The following PCM1 variants were observed in gnomAD, a reference collection of about 807,000 sequenced individuals.
PCM1 encodes the protein pericentriolar material 1 protein.
A neutral mutation model predicts 241.9 loss-of-function variants in PCM1; 157 were observed. That is an observed-to-expected ratio of 0.65 (90% CI 0.57 to 0.74). The LOEUF (loss-of-function observed/expected upper bound fraction) is 0.74, where lower values mean the gene tolerates loss of function less well. PCM1 is among the 30% of genes least tolerant of loss of function. PCM1 has a pLI of 0.00. For missense variants in PCM1, 3,478 were observed against 2,360.1 expected, an observed-to-expected ratio of 1.47 and a Z score of -9.81; for synonymous variants, 1,085 against 784.9, an observed-to-expected ratio of 1.38 and a Z score of -6.39.
chr8:17,935,638 G>T lies in PCM1; in HGVS notation c.28G>T (p.Asp10Tyr). The change falls in exon 3 of 39, where the codon GAT (aspartate) becomes TAT (tyrosine). Residue 10 changes from aspartate to tyrosine, a missense_variant. Physicochemically the swap from Asp to Tyr is radical, Grantham distance 160. Coordinates refer to ENST00000325083, the MANE Select transcript of PCM1 (RefSeq NM_006197.4). MATGGGPFE[D>Y]GMNDQDLPNW... The stretch of plus-strand genomic sequence containing the variant: ...GGCCACAGGAGGAGGTCCCTTTGAA[G>T]ATGGCATGAATGATCAGGATTTACC... 6.4e-7 allele frequency: 1 copy of T among 1,558,730 alleles called. No individual in the cohort carries two copies. Among genetic ancestry groups the T allele is most frequent in the Non-Finnish European group, 8.9e-7 (1 of 1,129,888 alleles).
chr8:18,011,912 T>C (rs537911223), intron 34 of PCM1, 85 bp downstream of exon 34: 1 of 1,191,138 alleles, frequency 8.4e-7, no homozygotes, highest in Non-Finnish European at 1.2e-6. Context: ...CTAATCAAAG[T>C]AGATCCTTCT....
intron 29 of PCM1, among the ~76,000 whole-genome samples, chr8:18,001,220 A>C (rs560217571): frequency 6.6e-6 from 1 of 151,994 alleles, no homozygotes; most frequent in Admixed American, 6.6e-5. Flanking sequence ...ATAAAATACA[A>C]TTTTCTATTA....
chr8:18,013,622 G>C (rs908129212), intron 34 of PCM1, among the ~76,000 whole-genome samples: 1 of 152,074 alleles, frequency 6.6e-6, no homozygotes, highest in Non-Finnish European at 1.5e-5. Context: ...CCCTGCTGAA[G>C]GCATTTAGCT....
chr8:18,003,942 AT>A (rs1289395808), intron 29 of PCM1, among the ~76,000 whole-genome samples: 1 of 151,896 alleles, frequency 6.6e-6, no homozygotes, highest in Non-Finnish European at 1.5e-5. Flanking sequence ...TTATACTTTT[AT>A]TTTAGCATTA....
intron 26 of PCM1, 75 bp downstream of exon 26, chr8:17,986,162 C>T (rs920140440): frequency 3.9e-5 from 40 of 1,033,270 alleles, no homozygotes; most frequent in Admixed American, 5.5e-5. Flanking sequence ...AGATTATTGT[C>T]AAATTGTAGG....
Position 17,967,058 on chromosome 8 carries a change from T to C in PCM1, c.3300T>C (p.Ser1100=), listed in dbSNP as rs138821889. 219 of 1,609,932 alleles carry C rather than the reference T, an allele frequency of 1.4e-4. 1 individual carries two copies. The African/African-American group carries it at 2.4e-3, about 18-fold the overall frequency. The change falls in exon 21 of 39, where the codon AGT becomes AGC. Residue 1100 remains serine (S), a synonymous_variant. Coordinates refer to ENST00000325083, the MANE Select transcript of PCM1 (RefSeq NM_006197.4). ...AACCTGGAGGCAAGGAAAGAGGCAG[T>C]AGTGCATCGCACCCTCCTTCTCCCA... The part of the protein sequence containing the change: ...PEKPGGKERG[S]SASHPPSPSL...
intron 36 of PCM1, among the ~76,000 whole-genome samples, chr8:18,018,136 A>G (rs1242858953): frequency 6.6e-6 from 1 of 152,220 alleles, no homozygotes; most frequent in Non-Finnish European, 1.5e-5. Flanking sequence ...TGACAGTTGG[A>G]CTAATCTCAG....
chr8:18,025,487 C>G, intron 37 of PCM1, 34 bp downstream of exon 37: 1 of 1,514,416 alleles, frequency 6.6e-7, no homozygotes, highest in Non-Finnish European at 9.1e-7. Flanking sequence ...CTTGTCTTTA[C>G]ATAACAAATA....
In PCM1 at chr8:18,025,931, A is replaced by C. The variant is rs575540010; in HGVS notation, c.6049+273A>C. On this transcript the variant is annotated intron_variant, in intron 38 of 38. Coordinates refer to ENST00000325083, the MANE Select transcript of PCM1 (RefSeq NM_006197.4). ...TGTAATCCCAGCACTTTGGGAGGCC[A>C]AGGCGGGTGGATCACGAGGTCAGGA... 3.9e-5 allele frequency among the ~76,000 whole-genome samples: 6 copies of C among 151,968 alleles called. No homozygotes were observed. The South Asian group carries it at 1.2e-3, about 32-fold the overall frequency.
intron 5 of PCM1, 141 bp from the exon 6 acceptor site, chr8:17,939,550 G>T (rs2061430437): frequency 2.2e-6 from 1 of 455,386 alleles, no homozygotes; most frequent in Admixed American, 3.9e-5. Context: ...TTTTGCATGT[G>T]TTAATTCACA....
chr8:17,933,961 TA>T (rs555298943), intron 2 of PCM1, among the ~76,000 whole-genome samples: 6 of 152,068 alleles, frequency 3.9e-5, no homozygotes, highest in Admixed American at 6.6e-5. Context: ...ATATGCTCAT[TA>T]AAAAAAGAGT....
At chr8:18,014,905 A>C (rs1458492541) in intron 36 of PCM1, 65 bp downstream of exon 36, 2 of 1,384,740 alleles carry the variant, frequency 1.4e-6, no homozygotes, top group Non-Finnish European at 9.7e-7. Flanking sequence ...CTTCATTTTC[A>C]GATTAGCATT....
intron 36 of PCM1, among the ~76,000 whole-genome samples, chr8:18,018,311 G>C (rs2093419743): frequency 6.6e-6 from 1 of 152,290 alleles, no homozygotes; most frequent in East Asian, 1.9e-4. Context: ...TACCAACCTA[G>C]ACCTTTCTGA....
At chr8:17,923,868 A>G (rs911591206) in intron 1 of PCM1, among the ~76,000 whole-genome samples, 2 of 152,010 alleles carry the variant, frequency 1.3e-5, no homozygotes, top group Non-Finnish European at 2.9e-5. Context: ...GCCAAGTGGG[A>G]CTGGGGGAAA....
intron 29 of PCM1, among the ~76,000 whole-genome samples, chr8:18,001,399 T>C (rs1304578943): frequency 6.6e-6 from 1 of 152,200 alleles, no homozygotes; most frequent in East Asian, 1.9e-4. Context: ...TTTTTAAAGC[T>C]TTTTAGACAA....
At chr8:17,929,944 T>G (rs1042286739) in intron 2 of PCM1, among the ~76,000 whole-genome samples, 2 of 152,152 alleles carry the variant, frequency 1.3e-5, no homozygotes, top group South Asian at 2.1e-4. Context: ...CTCACCAGTT[T>G]CCTGACCATG....
intron 36 of PCM1, among the ~76,000 whole-genome samples, chr8:18,016,676 A>T (rs140133826): frequency 6.6e-6 from 1 of 152,338 alleles, no homozygotes; most frequent in African/African-American, 2.4e-5. Context: ...AATGAATTGT[A>T]TGTAGGGAGT....
At chr8:17,997,228 G>A (rs985875558) in intron 29 of PCM1, among the ~76,000 whole-genome samples, 7 of 151,918 alleles carry the variant, frequency 4.6e-5, no homozygotes. Flanking sequence ...CTCCTGACCT[G>A]TAAGGATTCT....
At chr8:17,934,043 TATC>T (rs2059761236) in intron 2 of PCM1, among the ~76,000 whole-genome samples, 3 of 152,264 alleles carry the variant, frequency 2.0e-5, no homozygotes, top group South Asian at 4.1e-4. Context: ...CGTTGAATTT[TATC>T]ATTTTTATTT....
Sources: gnomAD v4.1 joint callset for allele counts (sites outside exome capture counted in the v4.1 genomes callset) on GRCh38, gnomAD v4.1.1 for gene constraint, MANE v1.5 for transcripts, NCBI Gene and HGNC (gene_info 2026-07-23, HGNC 2026-07-21) for gene names.